SYNPR: variants seen among roughly 807,000 people sequenced by gnomAD.
The protein encoded by SYNPR is synaptoporin.
SYNPR carries 23 observed loss-of-function variants against 32.9 expected under a neutral mutation model. The ratio of observed to expected loss-of-function variants is 0.70; its 90% CI spans 0.50 to 0.99. The LOEUF (loss-of-function observed/expected upper bound fraction) is 0.99, where lower values mean the gene tolerates loss of function less well. Ranked by LOEUF, SYNPR falls within the 50% of genes least tolerant of loss-of-function variation. The pLI, the probability that SYNPR is intolerant of heterozygous loss-of-function variation, is 0.00. For missense variants in SYNPR, 318 were observed against 349.3 expected (o/e 0.91, Z 0.71); for synonymous variants, 146 against 135.9 (o/e 1.07, Z -0.52).
chr3:63,461,801 C>T (rs1700589531), intron 2 of SYNPR, among the ~76,000 whole-genome samples: 1 of 151,836 alleles, frequency 6.6e-6, no homozygotes, highest in Non-Finnish European at 1.5e-5. Flanking sequence ...CTCAGTTTCC[C>T]CAGCCGTAGA....
chr3:63,264,519 AT>A (rs1395892193), intron 2 of SYNPR, among the ~76,000 whole-genome samples: 1 of 152,224 alleles, frequency 6.6e-6, no homozygotes, highest in East Asian at 1.9e-4. Flanking sequence ...AACAACTCCT[AT>A]CAGCACATAG....
chr3:63,389,123 C>G (rs1481651073), intron 2 of SYNPR, among the ~76,000 whole-genome samples: 1 of 152,146 alleles, frequency 6.6e-6, no homozygotes, highest in Non-Finnish European at 1.5e-5. Context: ...TTTAATGAGC[C>G]TGCTCTTGTG....
At chr3:63,535,615 T>C (rs947020131) in intron 3 of SYNPR, among the ~76,000 whole-genome samples, 1 of 151,940 alleles carries the variant, frequency 6.6e-6, no homozygotes, top group Non-Finnish European at 1.5e-5. Flanking sequence ...TGGTAGTCCA[T>C]AAATAAAACT....
intron 4 of SYNPR, among the ~76,000 whole-genome samples, chr3:63,560,801 A>AG (rs1160951553): frequency 2.0e-5 from 3 of 152,118 alleles, no homozygotes; most frequent in Admixed American, 2.0e-4. Context: ...TGAGAACAGC[A>AG]GGGGGGGAAC....
intron 3 of SYNPR, among the ~76,000 whole-genome samples, chr3:63,530,443 C>T (rs1431057030): frequency 6.6e-6 from 1 of 152,142 alleles, no homozygotes; most frequent in Non-Finnish European, 1.5e-5. Flanking sequence ...GGAAGGTTCT[C>T]TTCTGTATAT....
At chr3:63,410,972 T>A (rs748319935) in intron 2 of SYNPR, among the ~76,000 whole-genome samples, 3 of 152,224 alleles carry the variant, frequency 2.0e-5, no homozygotes. Flanking sequence ...TGGGGCATTA[T>A]TCCTAGAAAT....
At chr3:63,397,528 G>A (rs2088231952) in intron 2 of SYNPR, among the ~76,000 whole-genome samples, 1 of 151,954 alleles carries the variant, frequency 6.6e-6, no homozygotes, top group South Asian at 2.1e-4. Context: ...AGGCACTTTT[G>A]AGAAACTCCT....
intron 5 of SYNPR, among the ~76,000 whole-genome samples, chr3:63,612,831 GA>G (rs1700218829): frequency 6.6e-6 from 1 of 151,742 alleles, no homozygotes; most frequent in African/African-American, 2.4e-5. Flanking sequence ...TACATCCCTG[GA>G]CAGAGCCATG....
chr3:63,511,058 T>C (rs1349519412), intron 3 of SYNPR, among the ~76,000 whole-genome samples: 1 of 151,998 alleles, frequency 6.6e-6, no homozygotes, highest in East Asian at 1.9e-4. Flanking sequence ...GATTCTGAAT[T>C]TTTGGTAGGT....
chr3:63,482,467 C>T (rs891367702), intron 3 of SYNPR, among the ~76,000 whole-genome samples: 2 of 152,252 alleles, frequency 1.3e-5, no homozygotes, highest in East Asian at 1.9e-4. Flanking sequence ...GAGCTTAATG[C>T]CACCAGCCAG....
intron 2 of SYNPR, among the ~76,000 whole-genome samples, chr3:63,435,401 T>A (rs948355206): frequency 6.6e-6 from 1 of 152,196 alleles, no homozygotes; most frequent in East Asian, 1.9e-4. Flanking sequence ...ATTAGAAAGG[T>A]CCATGGTAGG....
At chr3:63,476,163 G>GA (rs1559510469) in intron 2 of SYNPR, among the ~76,000 whole-genome samples, 4 of 33,154 alleles carry the variant, frequency 1.2e-4, no homozygotes, top group Admixed American at 2.6e-4. Context: ...GGGAGGGAGG[G>GA]AGGGAGGGAG....
At chr3:63,313,734 TATATATATATCC>T (rs1203041299) in intron 2 of SYNPR, among the ~76,000 whole-genome samples, 20 of 31,970 alleles carry the variant, frequency 6.3e-4, no homozygotes, top group African/African-American at 1.1e-3. Context: ...TATATATCCA[TATATATATATCC>T]ATATATATAT....
upstream of SYNPR, among the ~76,000 whole-genome samples, chr3:63,276,606 T>C (rs1043911251): frequency 1.3e-5 from 2 of 148,280 alleles, no homozygotes; most frequent in South Asian, 2.3e-4. Flanking sequence ...CACTAAGTAA[T>C]TGATAGTGTT....
chr3:63,358,289 G>A (rs1347664697), intron 2 of SYNPR, among the ~76,000 whole-genome samples: 1 of 152,198 alleles, frequency 6.6e-6, no homozygotes, highest in Admixed American at 6.5e-5. Flanking sequence ...TGATCCTTTT[G>A]GAGACTCTAA....
At chr3:63,600,068 C>T (rs1228716113) in intron 4 of SYNPR, among the ~76,000 whole-genome samples, 4 of 152,294 alleles carry the variant, frequency 2.6e-5, no homozygotes, top group East Asian at 3.9e-4. Flanking sequence ...GCTTGTGATA[C>T]GCTGTGGTAG....
rs928274920 is a variant in SYNPR at position 63,466,303 on chromosome 3, TTAAA to T, written c.85-14524_85-14521del. On this transcript the variant is annotated intron_variant, in intron 2 of 5. Transcript: ENST00000478300. ...GACTTTCTGTAGTTTGCTGTTGTAC[TTAAA>T]TAAACAAGGTGCTTCCCCTAGAGAA... 2.2e-4 allele frequency among the ~76,000 whole-genome samples: 33 copies of T among 152,106 alleles called. 1 individual carries two copies. The highest frequency in any genetic ancestry group is 4.0e-4 in the Non-Finnish European group (27 of 68,012).
intron 3 of SYNPR, among the ~76,000 whole-genome samples, chr3:63,494,718 A>G (rs1438429526): frequency 6.6e-6 from 1 of 151,984 alleles, no homozygotes; most frequent in African/African-American, 2.4e-5. Context: ...TGAGCAAACT[A>G]TGGCTCACTG....
At chr3:63,564,403 G>T (rs1388465162) in intron 4 of SYNPR, among the ~76,000 whole-genome samples, 3 of 151,628 alleles carry the variant, frequency 2.0e-5, no homozygotes, top group Non-Finnish European at 4.4e-5. Context: ...CACCATGTTG[G>T]CCAGGCTGGT....
Sources: gnomAD v4.1 joint callset for allele counts (sites outside exome capture counted in the v4.1 genomes callset) on GRCh38, gnomAD v4.1.1 for gene constraint, MANE v1.5 for transcripts, NCBI Gene and HGNC (gene_info 2026-07-23, HGNC 2026-07-21) for gene names.